Variants in RRM1 observed in about 807,000 individuals in gnomAD.
RRM1 encodes the protein ribonucleoside-diphosphate reductase large subunit.
Under a neutral mutation model 101.5 loss-of-function variants are expected in RRM1, and 19 were observed. The observed-to-expected ratio is 0.19, with a 90% CI of 0.13 to 0.27. The LOEUF is 0.27. Among genes scored for constraint, RRM1 ranks in the 10% least tolerant of loss-of-function variants. The pLI, the probability that RRM1 is intolerant of heterozygous loss-of-function variation, is 1.00. For synonymous variants in RRM1, 298 were observed against 323.4 expected (o/e 0.92, Z 0.84); for missense variants, 500 against 962.9 (o/e 0.52, Z 6.36).
intron 18 of RRM1, 168 bp from the exon 19 acceptor site, chr11:4,138,027 A>C: frequency 4.7e-5 from 1 of 21,376 alleles, no homozygotes. Flanking sequence ...GCGGCCGGGC[A>C]GAGGCGCCCC....
chr11:4,123,702 A>G (rs2094585252), intron 12 of RRM1, among the ~76,000 whole-genome samples: 1 of 152,190 alleles, frequency 6.6e-6, no homozygotes. Flanking sequence ...TAGGATGTAC[A>G]TTCAATTTAA....
intron 11 of RRM1, among the ~76,000 whole-genome samples, chr11:4,122,750 G>A (rs2094583666): frequency 6.6e-6 from 1 of 152,080 alleles, no homozygotes; most frequent in African/African-American, 2.4e-5. Flanking sequence ...GTGCACACCT[G>A]TAGTCCCAGC....
intron 14 of RRM1, among the ~76,000 whole-genome samples, chr11:4,128,679 G>C (rs1420485360): frequency 6.6e-6 from 1 of 152,076 alleles, no homozygotes; most frequent in Non-Finnish European, 1.5e-5. Flanking sequence ...TGACATTCCT[G>C]CTGATATTAG....
At chr11:4,124,863 A>G (rs2094587052) in intron 12 of RRM1, among the ~76,000 whole-genome samples, 1 of 149,704 alleles carries the variant, frequency 6.7e-6, no homozygotes, top group Admixed American at 6.7e-5. Flanking sequence ...TTTTTTTAGT[A>G]TATCTGCAAG....
Position 4,094,817 on chromosome 11 carries a change from T to G in RRM1, c.-196T>G. The G allele has an allele frequency of 1.6e-6, 1 of 611,352 alleles. No individual in the cohort carries two copies. The highest frequency in any genetic ancestry group is 2.9e-6 in the Non-Finnish European group (1 of 340,632). The allele number at this position is 611,352 out of a possible 1,614,324, so 37.9% of individuals were successfully genotyped here. A position where few individuals can be genotyped will look rare whatever the true frequency, so the allele number is the denominator to read the frequency against. ...GTCGCGCCCCTTTGTGCGTCACGGG[T>G]GGCGGGCGCGGGAAGGGGATTTGGA... is the stretch of plus-strand genomic sequence containing the variant. On this transcript the variant is annotated 5_prime_UTR_variant, in exon 1 of 19. Transcript: ENST00000300738.
chr11:4,136,283 A>T (rs7940497), intron 18 of RRM1, among the ~76,000 whole-genome samples: 1 of 151,928 alleles, frequency 6.6e-6, no homozygotes, highest in Non-Finnish European at 1.5e-5. Context: ...GTACAGCGGC[A>T]TGATCTTGGC....
intron 17 of RRM1, 77 bp from the exon 18 acceptor site, chr11:4,135,005 C>T: frequency 3.7e-6 from 4 of 1,088,844 alleles, no homozygotes; most frequent in Non-Finnish European, 5.3e-6. Flanking sequence ...AAGATCAAAG[C>T]TTGTGTCACT....
chr11:4,127,571 A>C (rs1191886627), intron 14 of RRM1, among the ~76,000 whole-genome samples: 1 of 152,196 alleles, frequency 6.6e-6, no homozygotes, highest in Non-Finnish European at 1.5e-5. Flanking sequence ...ACTAGAAGTT[A>C]TAAGAGGCAA....
chr11:4,123,831 AAAC>A (rs977657601), intron 12 of RRM1, among the ~76,000 whole-genome samples: 1 of 152,164 alleles, frequency 6.6e-6, no homozygotes, highest in Non-Finnish European at 1.5e-5. Flanking sequence ...AAAAAACCAA[AAAC>A]AACAACAACA....
chr11:4,120,059 ATAAT>A, intron 9 of RRM1, 131 bp downstream of exon 9: 1 of 603,960 alleles, frequency 1.7e-6, no homozygotes, highest in Non-Finnish European at 2.9e-6. Flanking sequence ...TTGAGGAGGT[ATAAT>A]TATTTTAATA....
In RRM1 at chr11:4,094,799, C is replaced by G; in HGVS notation, c.-214C>G. On this transcript the variant is annotated 5_prime_UTR_variant, in exon 1 of 19. Coordinates refer to ENST00000300738, the MANE Select transcript of RRM1 (RefSeq NM_001033.5). ...TAACGTCATTCGAACCCCGTCGCGC[C>G]CCTTTGTGCGTCACGGGTGGCGGGC... is the stretch of plus-strand genomic sequence containing the variant. The G allele has an allele frequency of 1.7e-6, 1 of 597,914 alleles. No individual in the cohort carries two copies. Among genetic ancestry groups the G allele is most frequent in the Non-Finnish European group, 3.0e-6 (1 of 332,254 alleles). 37.0% of individuals were successfully genotyped at this position (597,914 alleles called of 1,614,324 possible).
intron 18 of RRM1, chr11:4,137,173 C>T (rs1351915786): frequency 8.0e-6 from 2 of 250,446 alleles, no homozygotes; most frequent in Non-Finnish European, 1.5e-5. Context: ...CTACTTCTTT[C>T]TACACAGACA....
intron 1 of RRM1, among the ~76,000 whole-genome samples, chr11:4,097,615 G>T (rs553950722): frequency 6.6e-6 from 1 of 152,160 alleles, no homozygotes; most frequent in African/African-American, 2.4e-5. Flanking sequence ...TCTTTGAGAT[G>T]GGGTCTTGCT....
chr11:4,114,167 C>T (rs1487617150), intron 7 of RRM1, among the ~76,000 whole-genome samples: 1 of 151,474 alleles, frequency 6.6e-6, no homozygotes, highest in African/African-American at 2.4e-5. Flanking sequence ...AAAAAAGATA[C>T]AAAATGATAC....
In RRM1 at chr11:4,132,352, G is replaced by T. The variant is rs199821576; in HGVS notation, c.1836G>T (p.Gly612=). The change falls in exon 16 of 19, where the codon GGG becomes GGT. Residue 612 remains glycine, a synonymous_variant. Transcript: ENST00000300738. The surrounding 1 kb of genome is among the most constrained non-coding windows in gnomAD (Gnocchi z 4.1). The stretch of plus-strand genomic sequence containing the variant: ...CAGCTTCCACTGCTCAGATCCTGGG[G>T]AATAATGAGTCCATTGAACCTTACA... The part of the protein sequence containing the change: ...MPTASTAQIL[G]NNESIEPYTS... The T allele has an allele frequency of 3.8e-5, 62 of 1,613,922 alleles. No individual in the cohort carries two copies. The highest frequency in any genetic ancestry group is 5.3e-5 in the Non-Finnish European group (62 of 1,179,968).
At position 4,127,052 on chromosome 11, in the gene RRM1, A is replaced by G. The variant is rs369163176; in HGVS notation, c.1488A>G (p.Lys496=). The G allele has an allele frequency of 3.7e-6, 6 of 1,608,368 alleles. No individual in the cohort carries two copies. Among genetic ancestry groups the G allele is most frequent in the African/African-American group, 1.3e-5 (1 of 74,508 alleles). Residue 496 remains lysine (K), a synonymous_variant, in exon 14 of 19, where the codon AAA becomes AAG. Coordinates refer to ENST00000300738, the MANE Select transcript of RRM1 (RefSeq NM_001033.5). ...ACACAAAGGCATGCCTATCAAATAA[A>G]CGCCATCGCCCCATTGGAATTGGGG... is the stretch of plus-strand genomic sequence containing the variant. ...YPVPEACLSN[K]RHRPIGIGVQ...
At chr11:4,127,997 G>A (rs2094592651) in intron 14 of RRM1, among the ~76,000 whole-genome samples, 1 of 152,116 alleles carries the variant, frequency 6.6e-6, no homozygotes, top group Non-Finnish European at 1.5e-5. Flanking sequence ...TTACCTGGTT[G>A]TTGGCAGAAT....
At chr11:4,107,390 G>A in intron 3 of RRM1, 45 bp from the exon 4 acceptor site, 1 of 1,278,322 alleles carries the variant, frequency 7.8e-7, no homozygotes. Context: ...TGAATTAGCT[G>A]TTAAGTGGTC....
chr11:4,111,666 TACATTTTCTACTCATTATATTG>T, intron 6 of RRM1, 26 bp downstream of exon 6: 2 of 1,557,712 alleles, frequency 1.3e-6, no homozygotes, highest in Non-Finnish European at 1.8e-6. Flanking sequence ...GTTTGTCTGT[TACATTTTCTACTCATTATATTG>T]AATGTATAGC....
Sources: gnomAD v4.1 joint callset for allele counts (sites outside exome capture counted in the v4.1 genomes callset) on GRCh38, gnomAD v4.1.1 for gene constraint, Gnocchi (gnomAD v3.1) non-coding constraint, MANE v1.5 for transcripts, NCBI Gene and HGNC (gene_info 2026-07-23, HGNC 2026-07-21) for gene names.